Variants in NEK10 observed in about 807,000 individuals in gnomAD.
The protein encoded by NEK10 is NIMA related kinase 10.
NEK10 carries 122 observed loss-of-function variants against 159.8 expected under a neutral mutation model. The ratio of observed to expected loss-of-function variants is 0.76; its 90% confidence interval spans 0.66 to 0.89. NEK10 has a LOEUF of 0.89. Among genes scored for constraint, NEK10 ranks in the 40% least tolerant of loss-of-function variants. The probability of loss-of-function intolerance (pLI) is 0.00; values close to 1 mark genes in which losing one functional copy is unlikely to be tolerated. For missense variants in NEK10, 1,342 were observed against 1,323.1 expected, an observed-to-expected ratio of 1.01 and a Z score of -0.22; for synonymous variants, 466 against 457.1, an observed-to-expected ratio of 1.02 and a Z score of -0.25.
At chr3:27,142,529 A>C (rs1246584320) in intron 30 of NEK10, among the ~76,000 whole-genome samples, 1 of 152,016 alleles carries the variant, frequency 6.6e-6, no homozygotes, top group African/African-American at 2.4e-5. Context: ...AAAAGATGAA[A>C]GTTCCAAAGA....
chr3:27,240,428 A>G (rs1559346257), intron 23 of NEK10, among the ~76,000 whole-genome samples: 1 of 149,006 alleles, frequency 6.7e-6, no homozygotes, highest in Non-Finnish European at 1.5e-5. Context: ...TGATTTCACA[A>G]AAAAGATAAT....
intron 5 of NEK10, among the ~76,000 whole-genome samples, chr3:27,328,477 T>C (rs2046172207): frequency 6.6e-6 from 1 of 152,126 alleles, no homozygotes; most frequent in Admixed American, 6.5e-5. Flanking sequence ...AACAGCAGAG[T>C]AGTTAAATAC....
At chr3:27,188,754 T>C (rs1334874082) in intron 26 of NEK10, among the ~76,000 whole-genome samples, 1 of 152,236 alleles carries the variant, frequency 6.6e-6, no homozygotes, top group Non-Finnish European at 1.5e-5. Flanking sequence ...GCTGTCTCTA[T>C]AAAATCCCAA....
chr3:27,137,490 G>C (rs777611421), intron 31 of NEK10, among the ~76,000 whole-genome samples: 1 of 152,094 alleles, frequency 6.6e-6, no homozygotes, highest in Non-Finnish European at 1.5e-5. Flanking sequence ...AGCTATTTCC[G>C]TAACACTAAA....
At chr3:27,113,872 T>C (rs1291074828) in intron 35 of NEK10, among the ~76,000 whole-genome samples, 1 of 152,206 alleles carries the variant, frequency 6.6e-6, no homozygotes, top group East Asian at 1.9e-4. Flanking sequence ...ATTTAAATGA[T>C]TTTCTGCAAA....
At chr3:27,333,286 C>T (rs2046555731) in intron 5 of NEK10, among the ~76,000 whole-genome samples, 1 of 152,056 alleles carries the variant, frequency 6.6e-6, no homozygotes, top group South Asian at 2.1e-4. Flanking sequence ...TGGCTCACAC[C>T]TGTAATCCTA....
chr3:27,259,135 T>C (rs1245521454), intron 22 of NEK10, among the ~76,000 whole-genome samples: 1 of 151,944 alleles, frequency 6.6e-6, no homozygotes, highest in Non-Finnish European at 1.5e-5. Flanking sequence ...GTCAGATGAG[T>C]AGATTGCAAA....
chr3:27,322,790 C>A (rs2045741939), intron 5 of NEK10, among the ~76,000 whole-genome samples: 1 of 152,126 alleles, frequency 6.6e-6, no homozygotes, highest in African/African-American at 2.4e-5. Context: ...TTTATCATAG[C>A]AACCACTGAA....
At chr3:27,304,691 G>C in intron 12 of NEK10, 56 bp downstream of exon 12, 2 of 1,101,088 alleles carry the variant, frequency 1.8e-6, no homozygotes, top group Non-Finnish European at 2.8e-6. Flanking sequence ...TCTTGTCACA[G>C]AGTCCCCAGA....
chr3:27,257,368 T>C (rs943409715), intron 22 of NEK10, among the ~76,000 whole-genome samples: 1 of 152,200 alleles, frequency 6.6e-6, no homozygotes, highest in African/African-American at 2.4e-5. Context: ...ATTCAAGTTG[T>C]TTTTCCAAAT....
chr3:27,224,859 T>A (rs1312332499), intron 23 of NEK10, among the ~76,000 whole-genome samples: 4 of 152,170 alleles, frequency 2.6e-5, no homozygotes, highest in Admixed American at 2.6e-4. Context: ...TTAGACAATA[T>A]CTGAAAAGCA....
At chr3:27,125,141 C>CT (rs985534019) in intron 32 of NEK10, among the ~76,000 whole-genome samples, 11 of 152,094 alleles carry the variant, frequency 7.2e-5, no homozygotes, top group African/African-American at 2.7e-4. Flanking sequence ...GTTACTACCT[C>CT]TCCCCCCAAA....
At chr3:27,116,557 G>T (rs1940467851) in intron 33 of NEK10, among the ~76,000 whole-genome samples, 1 of 152,142 alleles carries the variant, frequency 6.6e-6, no homozygotes, top group Non-Finnish European at 1.5e-5. Context: ...GGCAGATACA[G>T]ATGTAAAGAG....
rs534568582 is a variant in NEK10 at position 27,218,604 on chromosome 3, C to CAAA, written c.2091-16050_2091-16048dup. The stretch of plus-strand genomic sequence containing the variant: ...TGGGCAACGTATCAAGTCTCCATCT[C>CAAA]AAAAAAAAAAAAAAAAAAAGACGGG... On this transcript the variant is annotated intron_variant, in intron 23 of 35. Transcript: ENST00000691995. Among the ~76,000 whole-genome samples, 63 of 67,428 alleles carry CAAA rather than the reference C, an allele frequency of 9.3e-4. 1 individual carries two copies. Among genetic ancestry groups the CAAA allele is most frequent in the East Asian group, 7.5e-3 (16 of 2,146 alleles). The allele number at this position is 67,428 out of a possible 152,430, so 44.2% of individuals were successfully genotyped here.
chr3:27,218,414 C>T (rs949913688), intron 23 of NEK10, among the ~76,000 whole-genome samples: 1 of 151,944 alleles, frequency 6.6e-6, no homozygotes, highest in African/African-American at 2.4e-5. Flanking sequence ...AGACTAGCCT[C>T]ACTAACACAG....
chr3:27,346,044 AG>A, intron 4 of NEK10, 41 bp downstream of exon 4: 1 of 1,600,180 alleles, frequency 6.2e-7, no homozygotes, highest in Non-Finnish European at 8.6e-7. Context: ...TGAGCTAAGC[AG>A]AATAAGTTGC....
chr3:27,279,650 A>G (rs2042008032), intron 22 of NEK10, among the ~76,000 whole-genome samples: 1 of 152,304 alleles, frequency 6.6e-6, no homozygotes, highest in African/African-American at 2.4e-5. Context: ...TTATCTTTTC[A>G]GTCATAAAAT....
chr3:27,251,494 CT>C (rs1186568912), intron 23 of NEK10, among the ~76,000 whole-genome samples: 2 of 152,140 alleles, frequency 1.3e-5, no homozygotes, highest in Admixed American at 1.3e-4. Context: ...CTCACTTCCC[CT>C]CTCCTGCTCC....
At chr3:27,298,816 G>T (rs2043572337) in intron 13 of NEK10, among the ~76,000 whole-genome samples, 1 of 152,276 alleles carries the variant, frequency 6.6e-6, no homozygotes, top group Admixed American at 6.5e-5. Flanking sequence ...GTGGCATTTT[G>T]CCCCTGCCCT....
Sources: gnomAD v4.1 joint callset for allele counts (sites outside exome capture counted in the v4.1 genomes callset) on GRCh38, gnomAD v4.1.1 for gene constraint, MANE v1.5 for transcripts, NCBI Gene and HGNC (gene_info 2026-07-23, HGNC 2026-07-21) for gene names.